Variants in CTDSP2 observed in about 807,000 individuals in gnomAD.
CTDSP2 encodes carboxy-terminal domain RNA polymerase II polypeptide A small phosphatase 2.
In CTDSP2, 9 loss-of-function variants were observed where a neutral mutation model predicts 31.6. The ratio of observed to expected loss-of-function variants is 0.28; its 90% CI spans 0.17 to 0.50. CTDSP2 has a LOEUF of 0.50. Ranked by LOEUF, CTDSP2 falls within the 20% of genes least tolerant of loss-of-function variation. The pLI is 0.98. For synonymous variants in CTDSP2, 134 were observed against 134.5 expected, an observed-to-expected ratio of 1.00 and a Z score of 0.03; for missense variants, 267 against 348.5, an observed-to-expected ratio of 0.77 and a Z score of 1.86.
rs1366437446 is a variant in CTDSP2 at position 57,823,611 on chromosome 12, C to T, written c.807G>A (p.Arg269=). The T allele has an allele frequency of 6.2e-7, 1 of 1,613,956 alleles. No individual in the cohort carries two copies. Among genetic ancestry groups the T allele is most frequent in the Non-Finnish European group, 8.5e-7 (1 of 1,179,974 alleles). The change falls in exon 8 of 8, where the codon CGG becomes CGA. Residue 269 remains arginine (R), a synonymous_variant. Transcript: ENST00000398073. ...EDVYTSLGQL[R]AP ...TTGGAAGCAGGGCAGGCTAAGGGGC[C>T]CGCAGCTGCCCAAGGCTGGTGTAGA...
rs200585191 is a variant in CTDSP2, at chr12:57,827,556, T to C, written c.248A>G (p.Tyr83Cys). ...DLLQCLQYQFYQIPGTCLLPE... is the reference protein window; with the variant it reads ...DLLQCLQYQFCQIPGTCLLPE... ...TACCAGGCCAGAGTCACGTACCTGG[T>C]AGAACTGGTACTGGAGACACTGGAG... The change falls in exon 3 of 8, where the codon TAC (tyrosine) becomes TGC (cysteine). Residue 83 changes from tyrosine to cysteine, a missense_variant. Physicochemically the swap from Tyr to Cys is radical, Grantham distance 194 (BLOSUM62 -2). Around this residue, in one of 2 missense-constraint regions of CTDSP2, gnomAD observed 111 missense variants for 107.1 expected, o/e 1.04. Coordinates refer to ENST00000398073, the MANE Select transcript of CTDSP2 (RefSeq NM_005730.4). 162 of 1,613,988 alleles carry C rather than the reference T, an allele frequency of 1.0e-4. No homozygotes were observed. The highest frequency in any genetic ancestry group is 6.6e-4 in the Middle Eastern group (4 of 6,062).
At chr12:57,839,514 C>G (rs567915214) in intron 1 of CTDSP2, among the ~76,000 whole-genome samples, 4 of 152,128 alleles carry the variant, frequency 2.6e-5, no homozygotes, top group Admixed American at 6.5e-5. Context: ...GTCAGGAGAT[C>G]AAGACCATCC....
rs1349568488 is a variant in CTDSP2 at position 57,819,996 on chromosome 12, A to G, written c.*3606T>C. ...AGTAATACAAATATTCCAAAAATAT[A>G]AACAGACACTTAATGGCGTCCTGCA... On this transcript the variant is annotated 3_prime_UTR_variant, in exon 8 of 8. Transcript: ENST00000398073. The G allele has an allele frequency of 1.3e-5, 2 of 152,694 alleles. No homozygotes were observed. The highest frequency in any genetic ancestry group is 1.3e-4 in the Admixed American group (2 of 15,288). 9.5% of individuals were successfully genotyped at this position (152,694 alleles called of 1,614,324 possible). A position where few individuals can be genotyped will look rare whatever the true frequency, so the allele number is the denominator to read the frequency against.
Position 57,823,994 on chromosome 12 carries a change from GACGTAGCAGCCCTGGTGGAAC to G in CTDSP2, c.579_599del (p.Phe194_Val200del). On this transcript the variant is annotated inframe_deletion, in exon 7 of 8. Coordinates refer to ENST00000398073, the MANE Select transcript of CTDSP2 (RefSeq NM_005730.4). Reference sequence around the variant, plus strand: ...CCCTCCCCAGGCGGCTGAGGTCCTTGACGTAGCAGCCCTGGTGGAACACGCAAGACTCACGGAATAGGCGGG... The same window carrying G: ...CCCTCCCCAGGCGGCTGAGGTCCTTGACGCAAGACTCACGGAATAGGCGGG... 1 of 1,614,146 alleles carries G rather than the reference GACGTAGCAGCCCTGGTGGAAC, an allele frequency of 6.2e-7. No homozygotes were observed. Among genetic ancestry groups the G allele is most frequent in the Non-Finnish European group, 8.5e-7 (1 of 1,180,008 alleles).
chr12:57,826,738 T>C (rs1175678731), intron 4 of CTDSP2, among the ~76,000 whole-genome samples: 1 of 152,152 alleles, frequency 6.6e-6, no homozygotes, highest in African/African-American at 2.4e-5. Context: ...TTCTGTGCTA[T>C]GTGGCTCGGG....
chr12:57,828,094 A>G (rs754889839), intron 2 of CTDSP2, among the ~76,000 whole-genome samples: 5 of 152,200 alleles, frequency 3.3e-5, no homozygotes, highest in Admixed American at 6.5e-5. Context: ...CAGAGAGATC[A>G]GCAAGCCCCC....
At chr12:57,836,519 C>T (rs1956248418) in intron 1 of CTDSP2, among the ~76,000 whole-genome samples, 2 of 151,952 alleles carry the variant, frequency 1.3e-5, no homozygotes, top group African/African-American at 2.4e-5. Flanking sequence ...GCCAGGTGCA[C>T]CTGCAGTCCC....
intron 1 of CTDSP2, among the ~76,000 whole-genome samples, chr12:57,839,856 A>G (rs1245925528): frequency 1.3e-5 from 2 of 152,028 alleles, no homozygotes; most frequent in Non-Finnish European, 2.9e-5. Flanking sequence ...TCTTATTGGA[A>G]AGGAAAAGTT....
intron 1 of CTDSP2, among the ~76,000 whole-genome samples, chr12:57,837,949 C>T (rs1007147541): frequency 3.9e-5 from 6 of 152,128 alleles, no homozygotes; most frequent in African/African-American, 9.7e-5. Flanking sequence ...CTTGTCTCTG[C>T]CCCTTCAGCA....
intron 4 of CTDSP2, 66 bp from the exon 5 acceptor site, chr12:57,826,468 C>T: frequency 6.8e-7 from 1 of 1,474,112 alleles, no homozygotes; most frequent in Non-Finnish European, 9.5e-7. Flanking sequence ...CCACCATACC[C>T]CTAGGTGGGT....
intron 5 of CTDSP2, among the ~76,000 whole-genome samples, chr12:57,825,030 T>A (rs1956174521): frequency 6.6e-6 from 1 of 152,110 alleles, no homozygotes; most frequent in Non-Finnish European, 1.5e-5. Context: ...ATTTACTTAT[T>A]TTTTTTAGAG....
intron 1 of CTDSP2, 119 bp from the exon 2 acceptor site, chr12:57,829,715 C>T (rs1455900896): frequency 2.5e-6 from 2 of 796,048 alleles, no homozygotes; most frequent in Admixed American, 2.4e-5. Context: ...CAGTATACGG[C>T]TGGTGAACAA....
intron 1 of CTDSP2, chr12:57,837,011 T>A (rs868077358): frequency 1.3e-5 from 2 of 152,246 alleles, no homozygotes; most frequent in African/African-American, 2.4e-5. Context: ...GCCTCCTTCC[T>A]CTCAGCTATT....
chr12:57,829,430 C>G lies in CTDSP2; in HGVS notation c.213+18G>C. 6.2e-7 allele frequency: 1 copy of G among 1,609,674 alleles called. No individual in the cohort carries two copies. On this transcript the variant is annotated intron_variant, in intron 2 of 7. Transcript: ENST00000398073. ...CAGTCCCTTCATTGCTGGCATCTTA[C>G]CACCCCAACCCACCTACCTTAGCAA... is the stretch of plus-strand genomic sequence containing the variant.
intron 1 of CTDSP2, among the ~76,000 whole-genome samples, chr12:57,845,158 G>A (rs541329678): frequency 1.3e-5 from 2 of 152,292 alleles, no homozygotes; most frequent in South Asian, 2.1e-4. Flanking sequence ...GCTCGGTGGA[G>A]AAGGGGAGGG....
intron 4 of CTDSP2, 28 bp from the exon 5 acceptor site, chr12:57,826,430 A>G (rs1208358014): frequency 6.2e-7 from 1 of 1,612,202 alleles, no homozygotes; most frequent in Non-Finnish European, 8.5e-7. Context: ...TAATGCTGTC[A>G]GCATGGTGGC....
intron 1 of CTDSP2, among the ~76,000 whole-genome samples, chr12:57,830,831 C>G (rs1218453317): frequency 2.0e-5 from 3 of 152,034 alleles, no homozygotes; most frequent in Non-Finnish European, 4.4e-5. Context: ...TCACCACAAC[C>G]TCCACCTCCT....
At chr12:57,835,914 T>C (rs1227776069) in intron 1 of CTDSP2, among the ~76,000 whole-genome samples, 1 of 152,292 alleles carries the variant, frequency 6.6e-6, no homozygotes, top group Non-Finnish European at 1.5e-5. Flanking sequence ...ATCCATAAAC[T>C]GGGATAACAG....
At chr12:57,824,169 G>A in intron 6 of CTDSP2, 58 bp downstream of exon 6, 3 of 1,608,858 alleles carry the variant, frequency 1.9e-6, no homozygotes, top group Non-Finnish European at 2.6e-6. Flanking sequence ...GGGAGCTGCT[G>A]GACCACCCCC....
Sources: allele counts gnomAD v4.1 joint callset (sites outside exome capture counted in the v4.1 genomes callset), GRCh38; gene constraint gnomAD v4.1.1; regional missense constraint gnomAD v4.1.1; transcripts MANE v1.5; gene names NCBI Gene and HGNC (gene_info 2026-07-23, HGNC 2026-07-21).